The following STAU2 variants were observed in gnomAD, a reference collection of about 807,000 sequenced individuals.
STAU2 encodes the protein double-stranded RNA-binding protein Staufen homolog 2.
In STAU2, 20 loss-of-function variants were observed where a neutral mutation model predicts 65.9. The ratio of observed to expected loss-of-function variants is 0.30; its 90% CI spans 0.21 to 0.44. The LOEUF is 0.44. Among genes scored for constraint, STAU2 ranks in the 20% least tolerant of loss-of-function variants. The pLI, the probability that STAU2 is intolerant of heterozygous loss-of-function variation, is 1.00. For synonymous variants in STAU2, 232 were observed against 233.9 expected (o/e 0.99, Z 0.07); for missense variants, 558 against 683.9 (o/e 0.82, Z 2.05).
At chr8:73,627,026 T>A (rs1204121816) in intron 6 of STAU2, among the ~76,000 whole-genome samples, 1 of 151,788 alleles carries the variant, frequency 6.6e-6, no homozygotes, top group African/African-American at 2.4e-5. Flanking sequence ...AGCAAAGCAG[T>A]GCTGGAAGTG....
chr8:73,654,526 A>G (rs1816148148), intron 6 of STAU2, among the ~76,000 whole-genome samples: 1 of 150,660 alleles, frequency 6.6e-6, no homozygotes. Context: ...TGGTGTCCCA[A>G]CTACTAGAGA....
intron 1 of STAU2, among the ~76,000 whole-genome samples, chr8:73,741,299 C>T (rs1303451018): frequency 2.7e-5 from 2 of 74,064 alleles, no homozygotes; most frequent in Admixed American, 1.1e-4. Flanking sequence ...AGCAAGACTC[C>T]GTCTCAAAAA....
intron 6 of STAU2, among the ~76,000 whole-genome samples, chr8:73,622,436 A>C (rs1813336640): frequency 6.6e-6 from 1 of 151,896 alleles, no homozygotes; most frequent in Non-Finnish European, 1.5e-5. Context: ...GGTCTTTCAT[A>C]TCTCTTTTTC....
At chr8:73,452,506 G>T (rs1442339588) in intron 13 of STAU2, among the ~76,000 whole-genome samples, 1 of 152,114 alleles carries the variant, frequency 6.6e-6, no homozygotes, top group Non-Finnish European at 1.5e-5. Context: ...ATTTCCCCCT[G>T]TAACAATATC....
intron 6 of STAU2, among the ~76,000 whole-genome samples, chr8:73,623,963 T>G (rs1813456400): frequency 6.6e-6 from 1 of 152,064 alleles, no homozygotes; most frequent in African/African-American, 2.4e-5. Flanking sequence ...TTAAAAGAGG[T>G]GTATGGATAT....
intron 6 of STAU2, among the ~76,000 whole-genome samples, chr8:73,635,948 A>ACC (rs1435906085): frequency 1.3e-5 from 1 of 77,778 alleles, no homozygotes; most frequent in Non-Finnish European, 2.5e-5. Context: ...ACACACACAC[A>ACC]CACCCCTGGA....
intron 6 of STAU2, among the ~76,000 whole-genome samples, chr8:73,618,636 T>G (rs568889739): frequency 1.8e-4 from 27 of 152,328 alleles, no homozygotes; most frequent in Middle Eastern, 6.8e-3. Flanking sequence ...TGACAAAATC[T>G]GACTTATCTC....
chr8:73,538,027 T>C (rs1186555751), intron 13 of STAU2, among the ~76,000 whole-genome samples: 2 of 152,192 alleles, frequency 1.3e-5, no homozygotes, highest in Non-Finnish European at 2.9e-5. Flanking sequence ...TTTTACAAAA[T>C]AAGTAACTGA....
intron 6 of STAU2, among the ~76,000 whole-genome samples, chr8:73,643,103 C>G (rs1487736062): frequency 6.6e-6 from 1 of 152,192 alleles, no homozygotes; most frequent in East Asian, 1.9e-4. Context: ...GAAGTCTTAA[C>G]TGCACTCCAA....
chr8:73,515,681 A>T (rs1420296574), intron 13 of STAU2, among the ~76,000 whole-genome samples: 1 of 151,814 alleles, frequency 6.6e-6, no homozygotes, highest in Non-Finnish European at 1.5e-5. Context: ...CTAGGTGAGG[A>T]TCCCAGCAAA....
intron 6 of STAU2, among the ~76,000 whole-genome samples, chr8:73,650,591 A>G (rs1815786556): frequency 1.3e-5 from 2 of 152,182 alleles, no homozygotes; most frequent in African/African-American, 4.8e-5. Context: ...ATCTCTAACT[A>G]AACACTATTA....
chr8:73,738,067 C>T (rs1806569388), intron 3 of STAU2, among the ~76,000 whole-genome samples: 1 of 152,144 alleles, frequency 6.6e-6, no homozygotes, highest in Non-Finnish European at 1.5e-5. Context: ...AAACCTTCTG[C>T]CTTGCACAAC....
At chr8:73,746,923 C>A (rs1807334747), upstream of STAU2, 7 of 982,156 alleles carry the variant, frequency 7.1e-6, no homozygotes, top group Middle Eastern at 4.9e-4. Flanking sequence ...CTCCCCGGCG[C>A]TCCCGCCGCG....
intron 13 of STAU2, among the ~76,000 whole-genome samples, chr8:73,433,042 CT>C (rs1189794393): frequency 6.6e-6 from 1 of 152,148 alleles, no homozygotes; most frequent in African/African-American, 2.4e-5. Flanking sequence ...AGCTGCTAGC[CT>C]TGACAACAAC....
intron 6 of STAU2, among the ~76,000 whole-genome samples, chr8:73,622,159 G>A (rs1350802818): frequency 3.3e-4 from 17 of 52,216 alleles, no homozygotes; most frequent in African/African-American, 1.0e-3. Flanking sequence ...ACGGAGTCTC[G>A]CTGTCGCCCA....
intron 3 of STAU2, among the ~76,000 whole-genome samples, chr8:73,735,062 T>G (rs1210039819): frequency 6.6e-6 from 1 of 152,090 alleles, no homozygotes; most frequent in Non-Finnish European, 1.5e-5. Flanking sequence ...GCCTCCCAAG[T>G]AGCTGAGACT....
At chr8:73,708,820 A>T (rs1377130991) in intron 4 of STAU2, among the ~76,000 whole-genome samples, 1 of 152,220 alleles carries the variant, frequency 6.6e-6, no homozygotes, top group Non-Finnish European at 1.5e-5. Context: ...ATTAAGATTT[A>T]TATGAAGTAC....
At chr8:73,421,563 CA>C in intron 14 of STAU2, 98 bp from the exon 15 acceptor site, 1 of 1,081,520 alleles carries the variant, frequency 9.2e-7, no homozygotes, top group Middle Eastern at 2.0e-4. Flanking sequence ...AAGGTCACCA[CA>C]AAAGTGACAT....
intron 4 of STAU2, among the ~76,000 whole-genome samples, chr8:73,703,370 G>C (rs956819315): frequency 6.6e-6 from 1 of 152,136 alleles, no homozygotes; most frequent in Non-Finnish European, 1.5e-5. Flanking sequence ...CCCAAAAGCA[G>C]ATGCTGCTAT....
Sources: allele counts gnomAD v4.1 joint callset (sites outside exome capture counted in the v4.1 genomes callset), GRCh38; gene constraint gnomAD v4.1.1; transcripts MANE v1.5; gene names NCBI Gene and HGNC (gene_info 2026-07-23, HGNC 2026-07-21).